Variants in TASL observed in about 807,000 individuals in gnomAD.
TASL encodes the protein TLR adapter interacting with SLC15A4 on the lysosome.
TASL carries 6 observed loss-of-function variants against 12.9 expected under a neutral mutation model. That is an observed-to-expected ratio of 0.46 (90% CI 0.25 to 0.92). The LOEUF is 0.92. Ranked by LOEUF, TASL falls within the 40% of genes least tolerant of loss-of-function variation. The pLI is 0.17. For synonymous variants in TASL, 85 were observed against 79.3 expected (o/e 1.07, Z -0.38); for missense variants, 165 against 212.8 (o/e 0.78, Z 1.40).
intron 2 of TASL, among the ~76,000 whole-genome samples, chrX:30,570,267 T>C (rs1930573836): frequency 1.8e-5 from 2 of 109,499 alleles, no homozygotes; most frequent in Admixed American, 9.8e-5. Flanking sequence ...CACATATATA[T>C]GAAGAGAAAG....
At chrX:30,577,298 G>A (rs749305039) in intron 1 of TASL, among the ~76,000 whole-genome samples, 1 of 112,353 alleles carries the variant, frequency 8.9e-6, no homozygotes, top group Non-Finnish European at 1.9e-5. Context: ...CTAAACCAGT[G>A]TGGCAATTAG....
chrX:30,571,635 A>AG (rs754363953), intron 2 of TASL, among the ~76,000 whole-genome samples: 652 of 12,664 alleles, frequency 0.051, 7 homozygotes, highest in African/African-American at 0.23. Context: ...CTCAAAAAAA[A>AG]GGGGGGGGGG....
intron 2 of TASL, among the ~76,000 whole-genome samples, chrX:30,575,080 T>C (rs1359062327): frequency 8.9e-6 from 1 of 111,878 alleles, no homozygotes; most frequent in African/African-American, 3.2e-5. Context: ...ATGTAGGTCA[T>C]GTGTTATTTT....
chrX:30,559,693 T>A lies in TASL; in HGVS notation c.663A>T (p.Leu221Phe). Residue 221 changes from leucine to phenylalanine, a missense_variant, in exon 3 of 3, where the codon TTA becomes TTT. Transcript: ENST00000378962. ...NEYLEQKVVE[L>F]YKQYIMDTVF... is the part of the protein sequence containing the mutation. ...CGGTGTCCATAATGTACTGTTTATA[T>A]AACTCCACAACCTTCTGCTCCAGGT... is the stretch of plus-strand genomic sequence containing the variant. 8.3e-7 allele frequency: 1 copy of A among 1,210,300 alleles called. No homozygotes were observed. Among genetic ancestry groups the A allele is most frequent in the Non-Finnish European group, 1.1e-6 (1 of 894,178 alleles).
chrX:30,561,084 C>T (rs1487793996), intron 2 of TASL, among the ~76,000 whole-genome samples: 1 of 111,762 alleles, frequency 8.9e-6, no homozygotes, highest in Non-Finnish European at 1.9e-5. Context: ...CAGTTACTTG[C>T]ATTTCTACAG....
chrX:30,562,897 T>TACACACACAC (rs72184120), intron 2 of TASL, among the ~76,000 whole-genome samples: 6 of 85,143 alleles, frequency 7.0e-5, no homozygotes, highest in South Asian at 6.1e-4. Flanking sequence ...AAAGGTATAA[T>TACACACACAC]ACACACACAC....
At chrX:30,564,551 C>T (rs1419697587) in intron 2 of TASL, among the ~76,000 whole-genome samples, 1 of 111,672 alleles carries the variant, frequency 9.0e-6, no homozygotes, top group Non-Finnish European at 1.9e-5. Context: ...TCAGACTTCT[C>T]AACAGCAACA....
At chrX:30,568,821 C>T (rs757731318) in intron 2 of TASL, among the ~76,000 whole-genome samples, 1 of 110,002 alleles carries the variant, frequency 9.1e-6, no homozygotes, top group African/African-American at 3.3e-5. Context: ...TGGTTGTCAA[C>T]TGAGAGGTTT....
intron 2 of TASL, among the ~76,000 whole-genome samples, chrX:30,571,256 G>GAAAGAGAA (rs1179232270): frequency 1.7e-3 from 61 of 36,790 alleles, no homozygotes; most frequent in Middle Eastern, 0.022. Context: ...GAGAAAGAAA[G>GAAAGAGAA]AGAAAGAAAG....
intron 2 of TASL, among the ~76,000 whole-genome samples, chrX:30,573,289 G>A (rs762860639): frequency 7.1e-5 from 8 of 111,967 alleles, no homozygotes; most frequent in African/African-American, 1.3e-4. Context: ...TTAGTATCAC[G>A]CAGTCATAAT....
chrX:30,566,627 A>G (rs184763793), intron 2 of TASL, among the ~76,000 whole-genome samples: 1,834 of 112,542 alleles, frequency 0.016, 19 homozygotes, highest in Non-Finnish European at 0.026. Context: ...TTATTTTGAA[A>G]CAAAGATGAT....
chrX:30,574,841 G>A (rs745382773), intron 2 of TASL, among the ~76,000 whole-genome samples: 7 of 111,846 alleles, frequency 6.3e-5, no homozygotes, highest in Non-Finnish European at 9.4e-5. Context: ...TGTAATTATT[G>A]CATATGCCTC....
intron 2 of TASL, among the ~76,000 whole-genome samples, chrX:30,569,995 C>T (rs963121854): frequency 1.0e-5 from 1 of 99,517 alleles, no homozygotes; most frequent in Non-Finnish European, 2.0e-5. Flanking sequence ...TCCAGCCTGG[C>T]GACAGAGCAA....
intron 2 of TASL, among the ~76,000 whole-genome samples, chrX:30,560,876 C>T (rs981285596): frequency 5.4e-5 from 6 of 110,688 alleles, no homozygotes; most frequent in Non-Finnish European, 9.4e-5. Flanking sequence ...GAAATTGGAT[C>T]GTGAAGAGCC....
intron 2 of TASL, among the ~76,000 whole-genome samples, chrX:30,575,612 T>C (rs1378675497): frequency 8.9e-6 from 1 of 112,093 alleles, no homozygotes; most frequent in East Asian, 2.7e-4. Context: ...ATGAAGTGAT[T>C]CTTAACAAAT....
intron 1 of TASL, among the ~76,000 whole-genome samples, chrX:30,577,409 A>C (rs755328733): frequency 8.9e-6 from 1 of 112,353 alleles, no homozygotes; most frequent in African/African-American, 3.2e-5. Flanking sequence ...GAATGTGGAC[A>C]CGAGGAGGTA....
At chrX:30,571,304 AAG>A (rs1257195771) in intron 2 of TASL, among the ~76,000 whole-genome samples, 25 of 101,366 alleles carry the variant, frequency 2.5e-4, no homozygotes, top group Admixed American at 9.9e-4. Context: ...GAAAGAAAGA[AAG>A]AAAGAAAGAA....
At chrX:30,562,039 C>G (rs920347605) in intron 2 of TASL, among the ~76,000 whole-genome samples, 1 of 111,776 alleles carries the variant, frequency 8.9e-6, no homozygotes, top group Non-Finnish European at 1.9e-5. Context: ...ACCCTACCCC[C>G]ACCTAGGCTT....
intron 2 of TASL, among the ~76,000 whole-genome samples, chrX:30,563,077 C>A (rs1277390641): frequency 1.8e-5 from 2 of 110,970 alleles, no homozygotes; most frequent in Non-Finnish European, 3.8e-5. Context: ...TTGCTGTGTC[C>A]CCACCCAAAT....
Sources: gnomAD v4.1 joint callset for allele counts (sites outside exome capture counted in the v4.1 genomes callset) on GRCh38, gnomAD v4.1.1 for gene constraint, MANE v1.5 for transcripts, NCBI Gene and HGNC (gene_info 2026-07-23, HGNC 2026-07-21) for gene names.